Variants in RREB1 observed in about 807,000 individuals in gnomAD.
RREB1 encodes the protein ras-responsive element-binding protein 1.
In RREB1, 27 loss-of-function variants were observed where a neutral mutation model predicts 117.8. The observed-to-expected ratio is 0.23, with a 90% CI of 0.17 to 0.32. RREB1 has a LOEUF of 0.32. RREB1 is among the 10% of genes least tolerant of loss of function. The probability of loss-of-function intolerance (pLI) is 1.00; values close to 1 mark genes in which losing one functional copy is unlikely to be tolerated. For missense variants in RREB1, 2,577 were observed against 2,378.2 expected (o/e 1.08, Z -1.74); for synonymous variants, 1,298 against 1,026.7 (o/e 1.26, Z -5.05).
In RREB1 at chr6:7,230,645, G is replaced by C. The variant is rs1248980235; in HGVS notation, c.2546G>C (p.Gly849Ala). The change falls in exon 10 of 13, where the codon GGC (glycine) becomes GCC (alanine). Residue 849 changes from glycine (G) to alanine (A), a missense_variant. Physicochemically the swap from Gly to Ala is moderately conservative, Grantham distance 60 (BLOSUM62 0). Coordinates refer to ENST00000379938, the MANE Select transcript of RREB1 (RefSeq NM_001003699.4). ...AEASGRGEDS[G>A]CAALGDCKPL... ...GCGTCGGGGCGCGGGGAGGACAGTG[G>C]CTGCGCTGCCCTTGGTGACTGCAAG... 2 of 1,602,004 alleles carry C rather than the reference G, an allele frequency of 1.2e-6. No individual in the cohort carries two copies. Among genetic ancestry groups the C allele is most frequent in the Non-Finnish European group, 1.7e-6 (2 of 1,174,806 alleles).
intron 1 of RREB1, among the ~76,000 whole-genome samples, chr6:7,112,360 G>A (rs1761186847): frequency 1.3e-5 from 2 of 152,184 alleles, no homozygotes; most frequent in Non-Finnish European, 2.9e-5. Context: ...CTGCTTCAAG[G>A]TTAATTTCTG....
intron 10 of RREB1, among the ~76,000 whole-genome samples, chr6:7,236,895 T>TTG (rs1768366989): frequency 7.4e-6 from 1 of 134,636 alleles, no homozygotes; most frequent in Admixed American, 7.3e-5. Flanking sequence ...AGGTTTTTTT[T>TTG]TTTTTTTTTT....
chr6:7,191,606 C>T (rs567442223), intron 6 of RREB1, among the ~76,000 whole-genome samples: 1 of 152,312 alleles, frequency 6.6e-6, no homozygotes, highest in South Asian at 2.1e-4. Flanking sequence ...GATCTATGAA[C>T]ATGGGATGTT....
intron 1 of RREB1, among the ~76,000 whole-genome samples, chr6:7,173,887 A>G (rs1764362494): frequency 6.6e-6 from 1 of 152,080 alleles, no homozygotes; most frequent in Non-Finnish European, 1.5e-5. Context: ...CTGTCTCCTT[A>G]GACCTGGAGA....
rs1378932183 is a variant in RREB1, at chr6:7,150,992, T to C, written c.-284-25663T>C. ...CTGGCCGCCCGGAGATCAGCCTCCA[T>C]GCATCAGTCATAGGCACAGAGAACT... On this transcript the variant is annotated intron_variant, in intron 1 of 12. Transcript: ENST00000379938. Among the ~76,000 whole-genome samples, 6 of 152,198 alleles carry C rather than the reference T, an allele frequency of 3.9e-5. No homozygotes were observed. In the East Asian group the frequency reaches 7.7e-4, roughly 19 times the overall value.
chr6:7,230,573 T>A lies in RREB1; in HGVS notation c.2474T>A (p.Val825Glu). The A allele has an allele frequency of 6.2e-7, 1 of 1,602,418 alleles. No individual in the cohort carries two copies. The change falls in exon 10 of 13, where the codon GTG becomes GAG. Residue 825 changes from valine (V) to glutamate (E), a missense_variant. Val to Glu is a moderately radical substitution (Grantham distance 121, BLOSUM62 -2). Coordinates refer to ENST00000379938, the MANE Select transcript of RREB1 (RefSeq NM_001003699.4). ...HVPEQDIESYVLAADGLGPAE... is the reference protein window; with the variant it reads ...HVPEQDIESYELAADGLGPAE... ...CCCGAGCAGGACATCGAGAGCTACGTGCTGGCCGCCGACGGCCTGGGCCCC... is the reference window on the plus strand; with the variant it reads ...CCCGAGCAGGACATCGAGAGCTACGAGCTGGCCGCCGACGGCCTGGGCCCC...
chr6:7,141,660 ATGGGTAGCTC>A (rs1307736143), intron 1 of RREB1, among the ~76,000 whole-genome samples: 19 of 152,340 alleles, frequency 1.2e-4, no homozygotes, highest in Admixed American at 1.2e-3. Context: ...GTATTTCATG[ATGGGTAGCTC>A]CAAAAACTTT....
At chr6:7,127,076 A>AG (rs1761973197) in intron 1 of RREB1, among the ~76,000 whole-genome samples, 1 of 152,168 alleles carries the variant, frequency 6.6e-6, no homozygotes, top group Non-Finnish European at 1.5e-5. Context: ...GGCTTAGTTG[A>AG]GGACAGGGTA....
chr6:7,244,850 C>T (rs1281855708), intron 11 of RREB1, among the ~76,000 whole-genome samples: 1 of 152,200 alleles, frequency 6.6e-6, no homozygotes, highest in Non-Finnish European at 1.5e-5. Context: ...CAGCTCCTTA[C>T]CCCAGCCCTC....
chr6:7,242,136 C>T (rs1160350170), intron 11 of RREB1, among the ~76,000 whole-genome samples: 1 of 152,220 alleles, frequency 6.6e-6, no homozygotes, highest in Non-Finnish European at 1.5e-5. Flanking sequence ...ACTGAGGGAG[C>T]TGAGGGGGAG....
chr6:7,115,748 C>G (rs1174320135), intron 1 of RREB1, among the ~76,000 whole-genome samples: 1 of 152,118 alleles, frequency 6.6e-6, no homozygotes, highest in African/African-American at 2.4e-5. Context: ...ACAACTTCTC[C>G]CAAGCTTGAA....
At chr6:7,156,580 T>G (rs1202470216) in intron 1 of RREB1, among the ~76,000 whole-genome samples, 1 of 152,234 alleles carries the variant, frequency 6.6e-6, no homozygotes, top group East Asian at 1.9e-4. Flanking sequence ...AAAGCCATTT[T>G]GGGTTGGACA....
At position 7,231,091 on chromosome 6, in the gene RREB1, G is replaced by A. The variant is rs774665249; in HGVS notation, c.2992G>A (p.Ala998Thr). The A allele has an allele frequency of 6.2e-7, 1 of 1,613,278 alleles. No individual in the cohort carries two copies. The highest frequency in any genetic ancestry group is 1.1e-5 in the South Asian group (1 of 91,086). ...ILESPMAPAP[A>T]ATPEPPAQPL... ...GGAAAGCCCCATGGCCCCTGCTCCG[G>A]CGGCCACCCCGGAACCCCCAGCACA... The change falls in exon 10 of 13, where the codon GCG (alanine) becomes ACG (threonine). Residue 998 changes from alanine to threonine, a missense_variant. Ala to Thr is a moderately conservative substitution (Grantham distance 58). Transcript: ENST00000379938.
In RREB1 at chr6:7,229,823, C is replaced by T. The variant is rs777860245; in HGVS notation, c.1724C>T (p.Thr575Met). 3.7e-6 allele frequency: 6 copies of T among 1,610,392 alleles called. No individual in the cohort carries two copies. The highest frequency in any genetic ancestry group is 1.3e-5 in the African/African-American group (1 of 74,988). ...SKSGTQPHAATRLSLQQPRAE... is the reference protein window; with the variant it reads ...SKSGTQPHAAMRLSLQQPRAE... ...TCCGGGACCCAGCCCCACGCGGCCA[C>T]GCGGCTCTCCCTGCAGCAGCCGCGG... Residue 575 changes from threonine (T) to methionine (M), a missense_variant, in exon 10 of 13, where the codon ACG becomes ATG. Thr to Met is a moderately conservative substitution (Grantham distance 81). Coordinates refer to ENST00000379938, the MANE Select transcript of RREB1 (RefSeq NM_001003699.4). This position sits in a 1 kb window ranked among gnomAD's most constrained non-coding sequence, Gnocchi z 4.5.
intron 3 of RREB1, chr6:7,181,534 G>T: frequency 1.9e-6 from 1 of 518,238 alleles, no homozygotes; most frequent in South Asian, 3.2e-5. Context: ...GCTGCAGGGC[G>T]GCAGCTTTCT....
intron 1 of RREB1, among the ~76,000 whole-genome samples, chr6:7,166,948 C>T (rs1450507783): frequency 6.6e-6 from 1 of 152,166 alleles, no homozygotes; most frequent in Non-Finnish European, 1.5e-5. Context: ...CTGAACTTTA[C>T]CCTAGCTTCT....
chr6:7,146,279 C>T (rs2113407555), intron 1 of RREB1, among the ~76,000 whole-genome samples: 1 of 152,230 alleles, frequency 6.6e-6, no homozygotes, highest in South Asian at 2.1e-4. Flanking sequence ...TGCCCTCTGT[C>T]ATGTAACATA....
Position 7,231,726 on chromosome 6 carries a change from C to T in RREB1, c.3627C>T (p.Ala1209=), listed in dbSNP as rs765867404. 11 of 1,613,488 alleles carry T rather than the reference C, an allele frequency of 6.8e-6. No individual in the cohort carries two copies. Among genetic ancestry groups the T allele is most frequent in the Admixed American group, 3.3e-5 (2 of 60,004 alleles). ...TAEDNTQDEV[A]GAPADHHGPS... The stretch of plus-strand genomic sequence containing the variant: ...AGGACAACACTCAGGATGAGGTGGC[C>T]GGAGCCCCTGCCGACCACCATGGGC... The change falls in exon 10 of 13, where the codon GCC becomes GCT. Residue 1209 remains alanine (A), a synonymous_variant. Coordinates refer to ENST00000379938, the MANE Select transcript of RREB1 (RefSeq NM_001003699.4).
rs1761349077 is a variant in RREB1, at chr6:7,115,359, A to AC, written c.-285+7305dup. On this transcript the variant is annotated intron_variant, in intron 1 of 12. Coordinates refer to ENST00000379938, the MANE Select transcript of RREB1 (RefSeq NM_001003699.4). Reference sequence around the variant, plus strand: ...GATCTGACCCTTGGCCTTCCCCCCCACCCCCCAGCCTATCACACAGACAGG... The same window carrying AC: ...GATCTGACCCTTGGCCTTCCCCCCCACCCCCCCAGCCTATCACACAGACAGG... 8.2e-5 allele frequency among the ~76,000 whole-genome samples: 6 copies of AC among 73,286 alleles called. No homozygotes were observed. The East Asian group carries it at 1.4e-3, about 17-fold the overall frequency. 48.1% of individuals were successfully genotyped at this position (73,286 alleles called of 152,430 possible). A position where few individuals can be genotyped will look rare whatever the true frequency, so the allele number is the denominator to read the frequency against.
Sources: gnomAD v4.1 joint callset for allele counts (sites outside exome capture counted in the v4.1 genomes callset) on GRCh38, gnomAD v4.1.1 for gene constraint, Gnocchi (gnomAD v3.1) non-coding constraint, MANE v1.5 for transcripts, NCBI Gene and HGNC (gene_info 2026-07-23, HGNC 2026-07-21) for gene names.